The following RERE variants were observed in gnomAD, a reference collection of about 807,000 sequenced individuals.
The protein encoded by RERE is arginine-glutamic acid dipeptide repeats.
A neutral mutation model predicts 146.1 loss-of-function variants in RERE; 40 were observed. The observed-to-expected ratio is 0.27, with a 90% CI of 0.21 to 0.36. The LOEUF is 0.36. RERE is among the 10% of genes least tolerant of loss of function. The probability of loss-of-function intolerance (pLI) is 1.00; values close to 1 mark genes in which losing one functional copy is unlikely to be tolerated. For synonymous variants in RERE, 1,003 were observed against 866.0 expected (o/e 1.16, Z -2.78); for missense variants, 1,933 against 2,138.7 (o/e 0.90, Z 1.90).
chr1:8,732,531 A>G (rs1010569850), intron 1 of RERE, among the ~76,000 whole-genome samples: 18 of 152,024 alleles, frequency 1.2e-4, no homozygotes, highest in Non-Finnish European at 2.4e-4. Context: ...CATGGAGCAC[A>G]GAAGTTTTAA....
intron 1 of RERE, among the ~76,000 whole-genome samples, chr1:8,718,373 G>A (rs763720402): frequency 6.6e-6 from 1 of 152,096 alleles, no homozygotes; most frequent in Non-Finnish European, 1.5e-5. Flanking sequence ...CAGGGTGCCC[G>A]TTTCTACACC....
intron 11 of RERE, among the ~76,000 whole-genome samples, chr1:8,441,950 T>TTTTTTTTTTTTTTTTTTTTGA (rs1295131605): frequency 2.0e-5 from 3 of 151,482 alleles, no homozygotes; most frequent in East Asian, 1.9e-4. Flanking sequence ...CACTTTTTGT[T>TTTTTTTTTTTTTTTTTTTTGA]GCAGGGAAGT....
At chr1:8,597,686 T>C (rs532487774) in intron 4 of RERE, among the ~76,000 whole-genome samples, 3 of 152,194 alleles carry the variant, frequency 2.0e-5, no homozygotes, top group African/African-American at 7.2e-5. Flanking sequence ...CCCTGTTATA[T>C]ATGAATGTGC....
At chr1:8,761,269 A>G (rs912136043) in intron 1 of RERE, among the ~76,000 whole-genome samples, 1 of 152,194 alleles carries the variant, frequency 6.6e-6, no homozygotes, top group Non-Finnish European at 1.5e-5. Context: ...TACATCTGAC[A>G]CTAAATCCTT....
intron 2 of RERE, among the ~76,000 whole-genome samples, chr1:8,654,043 C>CG (rs760502102): frequency 1.7e-4 from 25 of 144,490 alleles, no homozygotes; most frequent in Admixed American, 5.5e-4. Flanking sequence ...TTTTTTTTTG[C>CG]GGGGGGGAGG....
At chr1:8,501,525 T>A (rs1399265321) in intron 8 of RERE, among the ~76,000 whole-genome samples, 8 of 82,992 alleles carry the variant, frequency 9.6e-5, no homozygotes, top group African/African-American at 1.6e-4. Flanking sequence ...CAGCCCCCCG[T>A]CCGGGAGGTG....
intron 12 of RERE, among the ~76,000 whole-genome samples, chr1:8,392,889 G>A (rs1642931806): frequency 6.6e-6 from 1 of 152,196 alleles, no homozygotes; most frequent in Non-Finnish European, 1.5e-5. Flanking sequence ...AGAACACGAT[G>A]TGCATTCTCT....
chr1:8,800,476 T>C (rs1005904763), intron 1 of RERE, among the ~76,000 whole-genome samples: 10 of 152,144 alleles, frequency 6.6e-5, no homozygotes, highest in Admixed American at 4.6e-4. Flanking sequence ...TTCTGATATA[T>C]GAAAAGATCA....
chr1:8,810,354 C>A (rs749646773), intron 1 of RERE, among the ~76,000 whole-genome samples: 1 of 152,008 alleles, frequency 6.6e-6, no homozygotes, highest in Non-Finnish European at 1.5e-5. Flanking sequence ...GCCTGTAATC[C>A]CAACACTTTG....
rs766016137 is a variant in RERE at position 8,743,118 on chromosome 1, G to A, written c.-145+74042C>T. ...AATAAGTATGCAGTCTATTCGAGCT[G>A]GGCACAGTGGCTCACACCTATAATC... On this transcript the variant is annotated intron_variant, in intron 1 of 22. Transcript: ENST00000400908. Among the ~76,000 whole-genome samples, 28 of 151,976 alleles carry A rather than the reference G, an allele frequency of 1.8e-4. 1 individual carries two copies. Among genetic ancestry groups the A allele is most frequent in the Admixed American group, 3.9e-4 (6 of 15,266 alleles).
In RERE at chr1:8,352,912, T is replaced by C. The variant is rs1641151596; in HGVS notation, c.*2175A>G. The C allele has an allele frequency of 6.6e-6, 1 of 152,564 alleles. No individual in the cohort carries two copies. Among genetic ancestry groups the C allele is most frequent in the African/African-American group, 2.4e-5 (1 of 41,434 alleles). 9.5% of individuals were successfully genotyped at this position (152,564 alleles called of 1,614,324 possible). On this transcript the variant is annotated 3_prime_UTR_variant, in exon 23 of 23. Coordinates refer to ENST00000400908, the MANE Select transcript of RERE (RefSeq NM_001042681.2). ...GACCTCAGAGGACTCGACTCTTCTTTGGAAAAATGGATGCCAAAGGAGGAG... is the reference window on the plus strand; with the variant it reads ...GACCTCAGAGGACTCGACTCTTCTTCGGAAAAATGGATGCCAAAGGAGGAG...
chr1:8,720,395 T>C (rs1639839794), intron 1 of RERE, among the ~76,000 whole-genome samples: 1 of 152,136 alleles, frequency 6.6e-6, no homozygotes, highest in Admixed American at 6.5e-5. Context: ...TTTTTTTGTA[T>C]TCTATAAATT....
intron 12 of RERE, among the ~76,000 whole-genome samples, chr1:8,367,461 T>A (rs972277642): frequency 5.9e-5 from 9 of 152,196 alleles, no homozygotes; most frequent in African/African-American, 9.7e-5. Context: ...GACTGGCCTA[T>A]AAAGCCCATC....
At chr1:8,625,618 C>A (rs1646965310) in intron 2 of RERE, among the ~76,000 whole-genome samples, 1 of 152,168 alleles carries the variant, frequency 6.6e-6, no homozygotes, top group African/African-American at 2.4e-5. Context: ...TAATGCCATT[C>A]ATTTTATACT....
At chr1:8,814,286 C>A (rs1641868814) in intron 1 of RERE, among the ~76,000 whole-genome samples, 1 of 152,184 alleles carries the variant, frequency 6.6e-6, no homozygotes, top group Admixed American at 6.5e-5. Context: ...TCTAATAGTT[C>A]ATTACATTAG....
intron 1 of RERE, among the ~76,000 whole-genome samples, chr1:8,672,105 C>T (rs1638732205): frequency 1.3e-5 from 2 of 151,854 alleles, no homozygotes; most frequent in Admixed American, 1.3e-4. Context: ...AGCAAGCTCC[C>T]ATATCTCCAC....
chr1:8,703,244 G>T (rs1219287648), intron 1 of RERE: 1 of 150,144 alleles, frequency 6.7e-6, no homozygotes, highest in Admixed American at 6.6e-5. Flanking sequence ...GCGGGCGCAG[G>T]TCCCGGCGGC....
At chr1:8,641,718 T>G (rs1301421063) in intron 2 of RERE, among the ~76,000 whole-genome samples, 1 of 152,150 alleles carries the variant, frequency 6.6e-6, no homozygotes, top group African/African-American at 2.4e-5. Flanking sequence ...CCAATAAGAC[T>G]CACAGAACAT....
Position 8,356,239 on chromosome 1 carries a change from T to A in RERE, c.4347A>T (p.Ala1449=). The change falls in exon 21 of 23, where the codon GCA becomes GCT. Residue 1449 remains alanine, a synonymous_variant. Coordinates refer to ENST00000400908, the MANE Select transcript of RERE (RefSeq NM_001042681.2). This position sits in a 1 kb window ranked among gnomAD's most constrained non-coding sequence, Gnocchi z 5.2. The part of the protein sequence containing the change: ...HQQDPLHQGS[A]GPVHPLVDPL... Reference sequence around the variant, plus strand: ...GGTCGACCAGCGGGTGAACGGGGCCTGCTGAACCTAAGGAAAGGACAAAAC... The same window carrying A: ...GGTCGACCAGCGGGTGAACGGGGCCAGCTGAACCTAAGGAAAGGACAAAAC... 6.6e-7 allele frequency: 1 copy of A among 1,522,590 alleles called. No individual in the cohort carries two copies. Among genetic ancestry groups the A allele is most frequent in the Non-Finnish European group, 8.7e-7 (1 of 1,146,982 alleles). The allele number at this position is 1,522,590 out of a possible 1,614,324, so 94.3% of individuals were successfully genotyped here.
Sources: allele counts gnomAD v4.1 joint callset (sites outside exome capture counted in the v4.1 genomes callset), GRCh38; gene constraint gnomAD v4.1.1; non-coding constraint Gnocchi (gnomAD v3.1); transcripts MANE v1.5; gene names NCBI Gene and HGNC (gene_info 2026-07-23, HGNC 2026-07-21).